The following CSMD1 variants were observed in gnomAD, a reference collection of about 807,000 sequenced individuals.
CSMD1 encodes the protein CUB and sushi domain-containing protein 1.
In CSMD1, 213 loss-of-function variants were observed where a neutral mutation model predicts 417.5. The ratio of observed to expected loss-of-function variants is 0.51; its 90% CI spans 0.46 to 0.57. The LOEUF (loss-of-function observed/expected upper bound fraction) is 0.57, where lower values mean the gene tolerates loss of function less well. Among genes scored for constraint, CSMD1 ranks in the 20% least tolerant of loss-of-function variants. CSMD1 has a pLI of 0.00. For synonymous variants in CSMD1, 2,862 were observed against 1,736.8 expected (o/e 1.65, Z -16.11); for missense variants, 6,923 against 4,529.7 (o/e 1.53, Z -15.17).
intron 1 of CSMD1, among the ~76,000 whole-genome samples, chr8:4,953,259 A>G (rs536418596): frequency 4.6e-5 from 7 of 152,284 alleles, no homozygotes; most frequent in South Asian, 2.1e-4. Context: ...TTTTGAACAT[A>G]TATTTCTAAA....
At chr8:3,712,924 T>C (rs975983517) in intron 6 of CSMD1, among the ~76,000 whole-genome samples, 1 of 152,158 alleles carries the variant, frequency 6.6e-6, no homozygotes, top group African/African-American at 2.4e-5. Context: ...AAGAGATCCC[T>C]GATACATCAT....
At chr8:4,819,213 T>C (rs1799379739) in intron 1 of CSMD1, among the ~76,000 whole-genome samples, 1 of 152,190 alleles carries the variant, frequency 6.6e-6, no homozygotes, top group Admixed American at 6.5e-5. Flanking sequence ...GAAATAATAA[T>C]AACAATTATT....
intron 2 of CSMD1, among the ~76,000 whole-genome samples, chr8:4,514,107 G>A (rs190213322): frequency 2.0e-5 from 3 of 152,164 alleles, no homozygotes; most frequent in Admixed American, 2.0e-4. Flanking sequence ...AGTTCTAGAG[G>A]CTGAAGTTCT....
intron 2 of CSMD1, among the ~76,000 whole-genome samples, chr8:4,442,474 G>A (rs1798541689): frequency 6.6e-6 from 1 of 152,006 alleles, no homozygotes; most frequent in African/African-American, 2.4e-5. Flanking sequence ...TTATCTACAA[G>A]CATATTACAT....
chr8:4,788,477 A>T lies in CSMD1; in HGVS notation c.86-150919T>A, dbSNP rs545125761. Reference sequence around the variant, plus strand: ...AGGATCAGCTCAATTTACTGCTCAGATATTTGGGGTAGACAACCATTTAGT... The same window carrying T: ...AGGATCAGCTCAATTTACTGCTCAGTTATTTGGGGTAGACAACCATTTAGT... On this transcript the variant is annotated intron_variant, in intron 1 of 69. Transcript: ENST00000635120. The T allele has an allele frequency of 1.4e-5, 18 of 1,321,094 alleles. No homozygotes were observed. In the East Asian group the frequency reaches 3.9e-4, roughly 29 times the overall value. 81.8% of individuals were successfully genotyped at this position (1,321,094 alleles called of 1,614,324 possible).
chr8:3,907,338 A>G lies in CSMD1; in HGVS notation c.818+90565T>C, dbSNP rs1345227615. Among the ~76,000 whole-genome samples the G allele has an allele frequency of 5.9e-5, 9 of 152,342 alleles. No homozygotes were observed. In the East Asian group the frequency reaches 1.3e-3, roughly 23 times the overall value. On this transcript the variant is annotated intron_variant, in intron 5 of 69. Transcript: ENST00000635120. The stretch of plus-strand genomic sequence containing the variant: ...TACATATTTGCTGTTTCTAAAAGTT[A>G]TAATTAGAAAAAACAAATAAGTTCA...
intron 1 of CSMD1, among the ~76,000 whole-genome samples, chr8:4,885,373 A>T (rs1803671337): frequency 6.6e-6 from 1 of 152,012 alleles, no homozygotes; most frequent in African/African-American, 2.4e-5. Flanking sequence ...CACAATGTTG[A>T]ACAGAAGTAC....
intron 5 of CSMD1, among the ~76,000 whole-genome samples, chr8:3,917,243 C>G (rs1298534067): frequency 6.6e-6 from 1 of 152,152 alleles, no homozygotes; most frequent in African/African-American, 2.4e-5. Context: ...AAATGCAACC[C>G]TATGAGATGC....
intron 3 of CSMD1, among the ~76,000 whole-genome samples, chr8:4,105,818 G>C (rs1585323731): frequency 6.6e-6 from 1 of 152,158 alleles, no homozygotes; most frequent in Admixed American, 6.5e-5. Flanking sequence ...TGAGTTACTT[G>C]TCACCCCTTT....
chr8:3,594,192 C>T (rs1052307679), intron 8 of CSMD1, among the ~76,000 whole-genome samples: 5 of 152,234 alleles, frequency 3.3e-5, no homozygotes, highest in South Asian at 2.1e-4. Flanking sequence ...CATTTACGGC[C>T]GTCCCCAAAT....
chr8:4,831,805 C>T (rs1800166959), intron 1 of CSMD1, among the ~76,000 whole-genome samples: 1 of 152,166 alleles, frequency 6.6e-6, no homozygotes, highest in South Asian at 2.1e-4. Flanking sequence ...CAGGGACCAG[C>T]ATCTCCCACC....
At chr8:3,100,282 G>A (rs1332710118) in intron 46 of CSMD1, among the ~76,000 whole-genome samples, 1 of 152,096 alleles carries the variant, frequency 6.6e-6, no homozygotes, top group African/African-American at 2.4e-5. Context: ...TCCAACTCCT[G>A]GGCTCAAGCA....
intron 3 of CSMD1, among the ~76,000 whole-genome samples, chr8:4,136,682 G>A (rs146417881): frequency 9.2e-5 from 14 of 152,274 alleles, no homozygotes; most frequent in African/African-American, 3.4e-4. Flanking sequence ...CAAGTGTGCT[G>A]TGAGTCTTCA....
chr8:4,330,635 T>C (rs777516775), intron 3 of CSMD1, among the ~76,000 whole-genome samples: 2 of 151,790 alleles, frequency 1.3e-5, no homozygotes, highest in Non-Finnish European at 2.9e-5. Flanking sequence ...TCTAATCATA[T>C]TTTATTTGTT....
At chr8:3,872,049 T>C (rs1194221460) in intron 5 of CSMD1, among the ~76,000 whole-genome samples, 1 of 152,230 alleles carries the variant, frequency 6.6e-6, no homozygotes, top group Non-Finnish European at 1.5e-5. Context: ...ATACATTATA[T>C]TGCTCTTTTA....
chr8:4,656,887 T>C lies in CSMD1; in HGVS notation c.86-19329A>G, dbSNP rs989729483. On this transcript the variant is annotated intron_variant, in intron 1 of 69. Coordinates refer to ENST00000635120, the MANE Select transcript of CSMD1 (RefSeq NM_033225.6). ...CAAATCAGCAGGGGCCCCCAACATC[T>C]TATCTGTCCTAATCCATCTGGGGGC... Among the ~76,000 whole-genome samples, 4 of 152,010 alleles carry C rather than the reference T, an allele frequency of 2.6e-5. No homozygotes were observed. In the South Asian group the frequency reaches 6.3e-4, roughly 24 times the overall value.
At chr8:4,638,575 G>A (rs1038658159) in intron 1 of CSMD1, among the ~76,000 whole-genome samples, 2 of 152,190 alleles carry the variant, frequency 1.3e-5, no homozygotes, top group Non-Finnish European at 2.9e-5. Flanking sequence ...GAGCAGAAAG[G>A]AAGGTGTACC....
At chr8:4,426,925 A>T (rs1461362641) in intron 2 of CSMD1, among the ~76,000 whole-genome samples, 2 of 151,906 alleles carry the variant, frequency 1.3e-5, no homozygotes, top group East Asian at 3.9e-4. Flanking sequence ...TTTTATATAG[A>T]AGAGAAATTA....
In CSMD1 at chr8:3,634,894, G is replaced by C. The variant is rs77129072; in HGVS notation, c.1010-18097C>G. Among the ~76,000 whole-genome samples the C allele has an allele frequency of 2.6e-4, 40 of 152,222 alleles. No homozygotes were observed. In the East Asian group the frequency reaches 6.0e-3, roughly 23 times the overall value. On this transcript the variant is annotated intron_variant, in intron 7 of 69. Transcript: ENST00000635120. ...AATCCTAGATAGTAGAGCCTGCTGG[G>C]CTATAGGGTACAGCCGCTTGCTCCT... is the stretch of plus-strand genomic sequence containing the variant.
Sources: gnomAD v4.1 joint callset for allele counts (sites outside exome capture counted in the v4.1 genomes callset) on GRCh38, gnomAD v4.1.1 for gene constraint, MANE v1.5 for transcripts, NCBI Gene and HGNC (gene_info 2026-07-23, HGNC 2026-07-21) for gene names.